The following MAGI2 variants were observed in gnomAD, a reference collection of about 807,000 sequenced individuals.
MAGI2 encodes the protein membrane associated guanylate kinase, WW and PDZ domain containing 2.
In MAGI2, 35 loss-of-function variants were observed where a neutral mutation model predicts 133.3. The observed-to-expected ratio is 0.26, with a 90% CI of 0.20 to 0.35. The LOEUF is 0.35. Ranked by LOEUF, MAGI2 falls within the 10% of genes least tolerant of loss-of-function variation. The pLI, the probability that MAGI2 is intolerant of heterozygous loss-of-function variation, is 1.00. For synonymous variants in MAGI2, 729 were observed against 710.6 expected (o/e 1.03, Z -0.41); for missense variants, 1,636 against 1,863.4 (o/e 0.88, Z 2.25).
Position 78,906,641 on chromosome 7 carries a change from C to T in MAGI2, c.418+100449G>A, listed in dbSNP as rs186591801. Among the ~76,000 whole-genome samples the T allele has an allele frequency of 5.5e-4, 83 of 152,232 alleles. 1 individual carries two copies. The East Asian group carries it at 0.012, about 22-fold the overall frequency. ...GCAAACATTTTCATTCACACATTCTCCAAATTTGATAATTCTCTTTTATAA... is the reference window on the plus strand; with the variant it reads ...GCAAACATTTTCATTCACACATTCTTCAAATTTGATAATTCTCTTTTATAA... On this transcript the variant is annotated intron_variant, in intron 2 of 21. Transcript: ENST00000354212.
intron 1 of MAGI2, among the ~76,000 whole-genome samples, chr7:79,451,801 A>T (rs891014993): frequency 6.6e-6 from 1 of 152,208 alleles, no homozygotes; most frequent in Non-Finnish European, 1.5e-5. Context: ...CGACGACAAC[A>T]ACAAACCCTT....
chr7:78,724,283 C>A (rs1023607037), intron 2 of MAGI2, among the ~76,000 whole-genome samples: 2 of 152,090 alleles, frequency 1.3e-5, no homozygotes, highest in Non-Finnish European at 2.9e-5. Flanking sequence ...AAAACAGAGA[C>A]TAAATTGCAA....
At chr7:78,757,595 T>G (rs1331293222) in intron 2 of MAGI2, among the ~76,000 whole-genome samples, 1 of 152,186 alleles carries the variant, frequency 6.6e-6, no homozygotes, top group Non-Finnish European at 1.5e-5. Context: ...TGGACATTAG[T>G]GAGTCCTCAT....
At chr7:79,284,302 T>C (rs1357117636) in intron 1 of MAGI2, among the ~76,000 whole-genome samples, 2 of 152,076 alleles carry the variant, frequency 1.3e-5, no homozygotes, top group African/African-American at 2.4e-5. Flanking sequence ...CTCATTCCCA[T>C]AATAAATCCA....
At chr7:78,866,350 G>C (rs1042124294) in intron 2 of MAGI2, among the ~76,000 whole-genome samples, 1 of 152,102 alleles carries the variant, frequency 6.6e-6, no homozygotes, top group African/African-American at 2.4e-5. Context: ...TTGTGAAAGT[G>C]AGTGAGTATG....
At chr7:78,519,561 C>T (rs532818092) in intron 4 of MAGI2, among the ~76,000 whole-genome samples, 1 of 152,226 alleles carries the variant, frequency 6.6e-6, no homozygotes, top group South Asian at 2.1e-4. Flanking sequence ...AAGAACAGTT[C>T]AGTTTTATCC....
At chr7:79,378,507 T>G (rs1843531213) in intron 1 of MAGI2, among the ~76,000 whole-genome samples, 1 of 151,566 alleles carries the variant, frequency 6.6e-6, no homozygotes, top group African/African-American at 2.4e-5. Context: ...GGATACATGA[T>G]TTCATTGTCT....
At chr7:79,186,290 A>AT (rs200079044) in intron 1 of MAGI2, among the ~76,000 whole-genome samples, 17,628 of 146,276 alleles carry the variant, frequency 0.12, 3,013 homozygotes, top group African/African-American at 0.36. Context: ...CTATATATAT[A>AT]AAGTTTAATG....
chr7:78,839,378 G>A (rs1327684804), intron 2 of MAGI2, among the ~76,000 whole-genome samples: 2 of 152,116 alleles, frequency 1.3e-5, no homozygotes, highest in South Asian at 2.1e-4. Flanking sequence ...TCTTTGCGAT[G>A]CTAAAAATAA....
At chr7:79,037,549 G>T (rs1811241034) in intron 1 of MAGI2, among the ~76,000 whole-genome samples, 1 of 152,010 alleles carries the variant, frequency 6.6e-6, no homozygotes, top group Non-Finnish European at 1.5e-5. Flanking sequence ...CTTGTTAATA[G>T]ATCAAGGTTG....
chr7:78,490,870 T>A (rs118143246), intron 5 of MAGI2, among the ~76,000 whole-genome samples: 9 of 152,074 alleles, frequency 5.9e-5, no homozygotes, highest in Non-Finnish European at 1.0e-4. Context: ...GGGAAAAGAA[T>A]GAGCAAAGGC....
At chr7:79,278,454 T>C (rs1263035335) in intron 1 of MAGI2, among the ~76,000 whole-genome samples, 2 of 152,146 alleles carry the variant, frequency 1.3e-5, no homozygotes, top group Admixed American at 1.3e-4. Context: ...CTTTCCCCTT[T>C]TGTTTTGGCA....
chr7:78,256,783 AAAAG>A (rs1793025075), intron 9 of MAGI2, among the ~76,000 whole-genome samples: 1 of 152,228 alleles, frequency 6.6e-6, no homozygotes, highest in Admixed American at 6.5e-5. Context: ...AGTGCTGAAA[AAAAG>A]CTATTTGGTT....
chr7:78,114,180 C>G (rs566956705), intron 20 of MAGI2, among the ~76,000 whole-genome samples: 1 of 152,276 alleles, frequency 6.6e-6, no homozygotes, highest in Admixed American at 6.5e-5. Context: ...AAGAAAGTCA[C>G]TATGACAGGT....
chr7:78,785,384 C>G (rs767292189), intron 2 of MAGI2, among the ~76,000 whole-genome samples: 8 of 152,146 alleles, frequency 5.3e-5, no homozygotes, highest in Non-Finnish European at 1.0e-4. Flanking sequence ...TAGTACAAAA[C>G]TGTGTAAGTA....
intron 1 of MAGI2, among the ~76,000 whole-genome samples, chr7:79,187,484 C>T (rs546896474): frequency 8.0e-4 from 121 of 151,886 alleles, no homozygotes; most frequent in Non-Finnish European, 1.4e-3. Context: ...AGCAATGAAT[C>T]ACCAAGGAAC....
chr7:78,899,413 T>C (rs1039369798), intron 2 of MAGI2, among the ~76,000 whole-genome samples: 1 of 152,168 alleles, frequency 6.6e-6, no homozygotes, highest in Non-Finnish European at 1.5e-5. Flanking sequence ...CCAACCTTGA[T>C]GTGATGGAAG....
chr7:78,991,939 ACTCTT>A (rs1177287670), intron 2 of MAGI2, among the ~76,000 whole-genome samples: 1 of 151,682 alleles, frequency 6.6e-6, no homozygotes, highest in African/African-American at 2.4e-5. Flanking sequence ...TTTCCTTCCT[ACTCTT>A]CTCTTAATCA....
intron 1 of MAGI2, among the ~76,000 whole-genome samples, chr7:79,326,926 C>G (rs1452934806): frequency 6.6e-6 from 1 of 152,164 alleles, no homozygotes; most frequent in Non-Finnish European, 1.5e-5. Flanking sequence ...AGACACCAAA[C>G]TTCTGAGAGA....
Sources: gnomAD v4.1 joint callset for allele counts (sites outside exome capture counted in the v4.1 genomes callset) on GRCh38, gnomAD v4.1.1 for gene constraint, MANE v1.5 for transcripts, NCBI Gene and HGNC (gene_info 2026-07-23, HGNC 2026-07-21) for gene names.